Variants in MSRB3 observed in about 807,000 individuals in gnomAD.
The protein encoded by MSRB3 is methionine-R-sulfoxide reductase B3.
Under a neutral mutation model 21.0 loss-of-function variants are expected in MSRB3, and 13 were observed. The ratio of observed to expected loss-of-function variants is 0.62; its 90% confidence interval spans 0.40 to 0.98. MSRB3 has a LOEUF of 0.98. MSRB3 is among the 50% of genes least tolerant of loss of function. The probability of loss-of-function intolerance (pLI) is 0.00; values close to 1 mark genes in which losing one functional copy is unlikely to be tolerated. For synonymous variants in MSRB3, 87 were observed against 88.6 expected (o/e 0.98, Z 0.10); for missense variants, 199 against 230.3 (o/e 0.86, Z 0.88).
chr12:65,449,960 T>A (rs2136696067), intron 5 of MSRB3, among the ~76,000 whole-genome samples: 1 of 152,318 alleles, frequency 6.6e-6, no homozygotes, highest in South Asian at 2.1e-4. Context: ...AAAGTTTTAC[T>A]TATGAGGCAG....
intron 4 of MSRB3, among the ~76,000 whole-genome samples, chr12:65,356,100 C>G (rs1454555144): frequency 6.6e-6 from 1 of 151,768 alleles, no homozygotes; most frequent in Non-Finnish European, 1.5e-5. Context: ...ATTTGTCTTT[C>G]TTATTAGTTT....
At chr12:65,345,453 G>A (rs1002356462) in intron 4 of MSRB3, among the ~76,000 whole-genome samples, 14 of 152,086 alleles carry the variant, frequency 9.2e-5, no homozygotes, top group Non-Finnish European at 2.1e-4. Flanking sequence ...TAGAGCTCCA[G>A]GAGTAATACA....
In MSRB3 at chr12:65,308,662, G is replaced by C; in HGVS notation, c.76+7G>C. The C allele has an allele frequency of 6.2e-7, 1 of 1,613,878 alleles. No individual in the cohort carries two copies. The highest frequency in any genetic ancestry group is 8.5e-7 in the Non-Finnish European group (1 of 1,179,866). On this transcript the variant is annotated splice_region_variant and intron_variant, in intron 2 of 6. Coordinates refer to ENST00000308259, the MANE Select transcript of MSRB3 (RefSeq NM_001031679.3). ...GCCTGTGGGCTTCCCTCAGGTTGCT[G>C]CTTGTTGTACTGTACATAGTGAAGG...
At chr12:65,436,390 A>G (rs1021586493) in intron 5 of MSRB3, among the ~76,000 whole-genome samples, 1 of 151,884 alleles carries the variant, frequency 6.6e-6, no homozygotes, top group East Asian at 1.9e-4. Context: ...AAAGAAGCAC[A>G]TATTTACTAT....
chr12:65,311,737 C>T (rs998269749), intron 2 of MSRB3, among the ~76,000 whole-genome samples: 1 of 151,946 alleles, frequency 6.6e-6, no homozygotes, highest in South Asian at 2.1e-4. Flanking sequence ...ATGTCTGTTC[C>T]CTAACCAGTA....
At chr12:65,309,828 T>A (rs1873882563) in intron 2 of MSRB3, among the ~76,000 whole-genome samples, 1 of 152,092 alleles carries the variant, frequency 6.6e-6, no homozygotes, top group Non-Finnish European at 1.5e-5. Flanking sequence ...CAAGGCATGT[T>A]CAGAGAAATA....
intron 1 of MSRB3, among the ~76,000 whole-genome samples, chr12:65,307,932 C>T (rs934891859): frequency 6.6e-6 from 1 of 152,166 alleles, no homozygotes; most frequent in Non-Finnish European, 1.5e-5. Context: ...AAATGAAATT[C>T]TAACAAAATG....
chr12:65,434,736 G>A (rs1315637281), intron 5 of MSRB3, among the ~76,000 whole-genome samples: 1 of 151,926 alleles, frequency 6.6e-6, no homozygotes, highest in Non-Finnish European at 1.5e-5. Context: ...CTTAAAGATT[G>A]TTTCCATCTG....
chr12:65,358,540 G>A (rs1006355099), intron 4 of MSRB3, among the ~76,000 whole-genome samples: 7 of 151,924 alleles, frequency 4.6e-5, no homozygotes, highest in African/African-American at 1.7e-4. Flanking sequence ...CCATCAATGT[G>A]GGGTGTATTT....
intron 5 of MSRB3, among the ~76,000 whole-genome samples, chr12:65,392,739 T>C (rs1258467083): frequency 1.3e-5 from 2 of 152,200 alleles, no homozygotes; most frequent in African/African-American, 4.8e-5. Context: ...CGTTTTGACT[T>C]CTTCAGTACT....
chr12:65,350,168 T>A (rs1876846600), intron 4 of MSRB3, among the ~76,000 whole-genome samples: 1 of 151,742 alleles, frequency 6.6e-6, no homozygotes. Flanking sequence ...AAATAGGGAA[T>A]CCTTTCCCCA....
At chr12:65,340,676 A>G (rs925558166) in intron 4 of MSRB3, among the ~76,000 whole-genome samples, 2 of 152,156 alleles carry the variant, frequency 1.3e-5, no homozygotes, top group Admixed American at 6.5e-5. Flanking sequence ...AAAGTTGACC[A>G]TTTCTGTCAA....
chr12:65,286,118 T>G (rs547807587), intron 1 of MSRB3: 2 of 152,314 alleles, frequency 1.3e-5, no homozygotes, highest in South Asian at 4.1e-4. Context: ...TAAAAAAAAT[T>G]CTCATATATT....
intron 4 of MSRB3, among the ~76,000 whole-genome samples, chr12:65,360,866 A>C (rs1000153687): frequency 6.6e-6 from 1 of 152,166 alleles, no homozygotes. Flanking sequence ...TGTTTTAAGA[A>C]CAAATAAGAT....
chr12:65,404,684 A>G (rs1345526322), intron 5 of MSRB3, among the ~76,000 whole-genome samples: 1 of 152,176 alleles, frequency 6.6e-6, no homozygotes, highest in Admixed American at 6.5e-5. Flanking sequence ...GTATAGCATG[A>G]TGTTTTGAAA....
At chr12:65,319,288 T>C (rs1185644649) in intron 2 of MSRB3, among the ~76,000 whole-genome samples, 1 of 152,154 alleles carries the variant, frequency 6.6e-6, no homozygotes. Context: ...CATGAAAGAC[T>C]GCATACTTTT....
intron 2 of MSRB3, among the ~76,000 whole-genome samples, chr12:65,314,409 A>G (rs988156446): frequency 7.2e-5 from 11 of 152,124 alleles, no homozygotes; most frequent in African/African-American, 2.7e-4. Flanking sequence ...ACTAAGAAAA[A>G]TTATATTTAA....
chr12:65,401,097 G>A (rs1177001134), intron 5 of MSRB3, among the ~76,000 whole-genome samples: 3 of 152,182 alleles, frequency 2.0e-5, no homozygotes, highest in Non-Finnish European at 4.4e-5. Flanking sequence ...TTGATTTGGG[G>A]TGGAGAGTTC....
intron 1 of MSRB3, among the ~76,000 whole-genome samples, chr12:65,307,261 C>A (rs1592508552): frequency 6.6e-6 from 1 of 152,030 alleles, no homozygotes. Context: ...TTCCTTTTCC[C>A]TCCTCTTTGT....
Sources: gnomAD v4.1 joint callset for allele counts (sites outside exome capture counted in the v4.1 genomes callset) on GRCh38, gnomAD v4.1.1 for gene constraint, MANE v1.5 for transcripts, NCBI Gene and HGNC (gene_info 2026-07-23, HGNC 2026-07-21) for gene names.